The following WDR41 variants were observed in gnomAD, a reference collection of about 807,000 sequenced individuals.
WDR41 encodes WD repeat-containing protein 41.
Under a neutral mutation model 69.3 loss-of-function variants are expected in WDR41, and 63 were observed. The ratio of observed to expected loss-of-function variants is 0.91; its 90% CI spans 0.74 to 1.12. The LOEUF is 1.12. Ranked by LOEUF, WDR41 falls within the 50% of genes most tolerant of loss-of-function variation. WDR41 has a pLI of 0.00. For synonymous variants in WDR41, 185 were observed against 192.1 expected, an observed-to-expected ratio of 0.96 and a Z score of 0.31; for missense variants, 543 against 534.5, an observed-to-expected ratio of 1.02 and a Z score of -0.16.
chr5:77,572,024 C>G, intron 1 of WDR41, among the ~76,000 whole-genome samples: 1 of 152,176 alleles, frequency 6.6e-6, no homozygotes, highest in Middle Eastern at 3.4e-3. Flanking sequence ...CCACGTTTCT[C>G]TAGGCTTAGT....
At chr5:77,510,160 A>AG (rs1285367128) in intron 1 of WDR41, among the ~76,000 whole-genome samples, 1 of 152,228 alleles carries the variant, frequency 6.6e-6, no homozygotes, top group Non-Finnish European at 1.5e-5. Flanking sequence ...ATGGCTGGGG[A>AG]GGCCTCCCAA....
Position 77,435,149 on chromosome 5 carries a change from A to C in WDR41, c.1227+1112T>G, listed in dbSNP as rs112015291. On this transcript the variant is annotated intron_variant, in intron 12 of 12. Transcript: ENST00000296679. The stretch of plus-strand genomic sequence containing the variant: ...ATGCTCACCTCCCAACCATAAACAC[A>C]AAGTTAAAAACTGAGCTACTTGTTA... 5.2e-3 allele frequency among the ~76,000 whole-genome samples: 795 copies of C among 152,282 alleles called. 6 individuals carry two copies. Among genetic ancestry groups the C allele is most frequent in the African/African-American group, 0.014 (580 of 41,550 alleles).
intron 8 of WDR41, among the ~76,000 whole-genome samples, chr5:77,442,277 A>G (rs1799196038): frequency 6.6e-6 from 1 of 152,236 alleles, no homozygotes; most frequent in African/African-American, 2.4e-5. Flanking sequence ...GAAGATAACT[A>G]CACATCGAAT....
chr5:77,491,946 G>T, intron 1 of WDR41: 1 of 545,942 alleles, frequency 1.8e-6, no homozygotes. Context: ...CGGGGCCGGG[G>T]GTCTGCAGCT....
chr5:77,480,517 C>T (rs1355800149), intron 2 of WDR41, among the ~76,000 whole-genome samples: 3 of 152,038 alleles, frequency 2.0e-5, no homozygotes, highest in African/African-American at 7.3e-5. Flanking sequence ...AGTTCATGTC[C>T]TTTGTAGGGA....
At chr5:77,464,877 A>T in intron 2 of WDR41, 68 bp from the exon 3 acceptor site, 2 of 1,481,332 alleles carry the variant, frequency 1.4e-6, no homozygotes, top group South Asian at 2.3e-5. Flanking sequence ...ATTAAGAACT[A>T]TCAAACCTTA....
chr5:77,542,870 C>T (rs893638547), intron 1 of WDR41, among the ~76,000 whole-genome samples: 5 of 152,206 alleles, frequency 3.3e-5, no homozygotes, highest in South Asian at 4.1e-4. Flanking sequence ...CTGAGAGGAC[C>T]GGCAGACCCC....
Position 77,492,300 on chromosome 5 carries a change from C to A in WDR41, c.-80G>T. On this transcript the variant is annotated 5_prime_UTR_variant, in exon 1 of 13. Transcript: ENST00000296679. ...CCAGGCTCGGCCTCCTCCTTCCTCC[C>A]CGGCTGCAGCGCAACTGAGACGCTA... 1 of 1,577,282 alleles carries A rather than the reference C, an allele frequency of 6.3e-7. No individual in the cohort carries two copies. Among genetic ancestry groups the A allele is most frequent in the East Asian group, 2.3e-5 (1 of 43,978 alleles).
intron 1 of WDR41, among the ~76,000 whole-genome samples, chr5:77,533,264 T>G (rs1742899489): frequency 6.6e-6 from 1 of 152,208 alleles, no homozygotes; most frequent in African/African-American, 2.4e-5. Context: ...TATTTACTTT[T>G]GGTAGTGTGT....
intron 1 of WDR41, among the ~76,000 whole-genome samples, chr5:77,561,237 G>A (rs1743518411): frequency 6.6e-6 from 1 of 152,068 alleles, no homozygotes; most frequent in Non-Finnish European, 1.5e-5. Context: ...AATTCAATCA[G>A]ATGACATTAC....
At chr5:77,539,686 A>G (rs2112221967) in intron 1 of WDR41, among the ~76,000 whole-genome samples, 1 of 152,328 alleles carries the variant, frequency 6.6e-6, no homozygotes, top group Admixed American at 6.5e-5. Context: ...AAATGAGGAT[A>G]ACAAATAGTA....
intron 1 of WDR41, among the ~76,000 whole-genome samples, chr5:77,555,005 A>T (rs1182211030): frequency 6.6e-6 from 1 of 151,704 alleles, no homozygotes. Flanking sequence ...AGGTGGGAGG[A>T]TTCATTGATC....
At chr5:77,433,521 T>C (rs1319728096) in intron 12 of WDR41, among the ~76,000 whole-genome samples, 1 of 152,254 alleles carries the variant, frequency 6.6e-6, no homozygotes, top group Non-Finnish European at 1.5e-5. Context: ...GTAAAGTACA[T>C]GAATTCTCAT....
intron 2 of WDR41, chr5:77,480,292 A>C: frequency 8.6e-6 from 1 of 116,102 alleles, no homozygotes; most frequent in South Asian, 2.7e-4. Context: ...TAGAACTAGA[A>C]ATACCATTTG....
chr5:77,530,033 A>G (rs1249638246), intron 1 of WDR41, among the ~76,000 whole-genome samples: 1 of 151,640 alleles, frequency 6.6e-6, no homozygotes, highest in Non-Finnish European at 1.5e-5. Context: ...GAATAAAGCA[A>G]TAAGAAAAAG....
At chr5:77,505,501 T>A (rs1802091753) in intron 1 of WDR41, among the ~76,000 whole-genome samples, 2 of 152,154 alleles carry the variant, frequency 1.3e-5, no homozygotes. Context: ...TACTGATGAC[T>A]TTCTTCACAG....
chr5:77,520,398 G>A (rs1271551045), intron 1 of WDR41, among the ~76,000 whole-genome samples: 3 of 152,144 alleles, frequency 2.0e-5, no homozygotes, highest in African/African-American at 7.2e-5. Flanking sequence ...GCAGTAGGAT[G>A]TAAGTACGGT....
intron 1 of WDR41, among the ~76,000 whole-genome samples, chr5:77,540,188 T>C (rs1358031922): frequency 1.3e-5 from 2 of 152,220 alleles, no homozygotes; most frequent in Non-Finnish European, 1.5e-5. Context: ...AATGTTACTC[T>C]AGCAGCTGGC....
chr5:77,532,213 G>A (rs954669426), intron 1 of WDR41, among the ~76,000 whole-genome samples: 2 of 151,990 alleles, frequency 1.3e-5, no homozygotes, highest in Admixed American at 6.6e-5. Context: ...CAGGTAGTGC[G>A]TATACAGGTG....
Sources: gnomAD v4.1 joint callset for allele counts (sites outside exome capture counted in the v4.1 genomes callset) on GRCh38, gnomAD v4.1.1 for gene constraint, MANE v1.5 for transcripts, NCBI Gene and HGNC (gene_info 2026-07-23, HGNC 2026-07-21) for gene names.